The following IL15 variants were observed in gnomAD, a reference collection of about 807,000 sequenced individuals.
The protein encoded by IL15 is interleukin-15.
Under a neutral mutation model 19.6 loss-of-function variants are expected in IL15, and 11 were observed. That is an observed-to-expected ratio of 0.56 (90% CI 0.35 to 0.93). IL15 has a LOEUF of 0.93. IL15 is among the 40% of genes least tolerant of loss of function. The pLI is 0.01. For missense variants in IL15, 197 were observed against 186.5 expected (o/e 1.06, Z -0.33); for synonymous variants, 58 against 59.6 (o/e 0.97, Z 0.12).
At chr4:141,651,122 A>G (rs1377120324) in intron 1 of IL15, among the ~76,000 whole-genome samples, 1 of 152,012 alleles carries the variant, frequency 6.6e-6, no homozygotes, top group African/African-American at 2.4e-5. Flanking sequence ...CAACACATCC[A>G]AAGAGATTCC....
At chr4:141,643,321 C>G (rs1200695049) in intron 1 of IL15, among the ~76,000 whole-genome samples, 9 of 152,136 alleles carry the variant, frequency 5.9e-5, no homozygotes, top group Admixed American at 5.9e-4. Context: ...CTGCTCACTT[C>G]TATATCTGCT....
intron 1 of IL15, among the ~76,000 whole-genome samples, chr4:141,645,058 G>T (rs1003455016): frequency 1.3e-5 from 2 of 152,074 alleles, no homozygotes; most frequent in Non-Finnish European, 2.9e-5. Flanking sequence ...ATGTTAGAGG[G>T]TTAATAATTT....
At chr4:141,687,689 T>C (rs1030292588) in intron 2 of IL15, among the ~76,000 whole-genome samples, 2 of 152,226 alleles carry the variant, frequency 1.3e-5, no homozygotes, top group African/African-American at 4.8e-5. Flanking sequence ...AATTTTGCAG[T>C]GAATGCCTTT....
At position 141,669,882 on chromosome 4, in the gene IL15, G is replaced by C. The variant is rs188144213; in HGVS notation, c.-100+13575G>C. On this transcript the variant is annotated intron_variant, in intron 2 of 7. Transcript: ENST00000320650. ...TGGCTCATGACAGAGCCTTGACTGA[G>C]ATATTGGGTCTAGAAATCTAGATTA... Among the ~76,000 whole-genome samples, 352 of 151,612 alleles carry C rather than the reference G, an allele frequency of 2.3e-3. 1 individual carries two copies. The highest frequency in any genetic ancestry group is 3.9e-3 in the Non-Finnish European group (262 of 67,924).
chr4:141,731,247 G>C (rs1730441787), intron 7 of IL15, among the ~76,000 whole-genome samples: 1 of 152,034 alleles, frequency 6.6e-6, no homozygotes, highest in Admixed American at 6.6e-5. Flanking sequence ...AGCACTCCCT[G>C]TCCCCTTCTC....
chr4:141,695,315 G>C (rs1729057485), intron 2 of IL15, among the ~76,000 whole-genome samples: 1 of 113,950 alleles, frequency 8.8e-6, no homozygotes, highest in African/African-American at 3.4e-5. Flanking sequence ...TTCCACATAT[G>C]AGTGAGATTA....
intron 2 of IL15, among the ~76,000 whole-genome samples, chr4:141,682,103 T>A (rs1049942268): frequency 6.6e-6 from 1 of 152,204 alleles, no homozygotes; most frequent in Non-Finnish European, 1.5e-5. Flanking sequence ...AATGTAACCT[T>A]TTGTTTTTGT....
chr4:141,721,117 T>C (rs751116612), intron 4 of IL15: 202 of 1,527,694 alleles, frequency 1.3e-4, no homozygotes, highest in Non-Finnish European at 1.7e-4. Context: ...ATAATCTGAC[T>C]CTCAGTTCAG....
chr4:141,713,075 A>T (rs1369875085), intron 2 of IL15, among the ~76,000 whole-genome samples: 1 of 152,194 alleles, frequency 6.6e-6, no homozygotes, highest in African/African-American at 2.4e-5. Flanking sequence ...AAGTTATTAT[A>T]GTTTGTATTG....
chr4:141,645,347 A>G (rs1278164226), intron 1 of IL15, among the ~76,000 whole-genome samples: 1 of 152,172 alleles, frequency 6.6e-6, no homozygotes, highest in Non-Finnish European at 1.5e-5. Context: ...AAGGGCCTCC[A>G]TGCCACACAC....
intron 1 of IL15, among the ~76,000 whole-genome samples, chr4:141,644,095 A>G (rs1578983749): frequency 6.6e-6 from 1 of 151,780 alleles, no homozygotes; most frequent in Admixed American, 6.6e-5. Flanking sequence ...AATATACCCT[A>G]CATCCTATCT....
At chr4:141,682,562 C>G (rs1560916444) in intron 2 of IL15, among the ~76,000 whole-genome samples, 1 of 152,006 alleles carries the variant, frequency 6.6e-6, no homozygotes, top group African/African-American at 2.4e-5. Flanking sequence ...TCTATAAGAA[C>G]GGAGACTTTT....
chr4:141,703,868 C>T (rs557515849), intron 2 of IL15, among the ~76,000 whole-genome samples: 3 of 151,508 alleles, frequency 2.0e-5, no homozygotes, highest in African/African-American at 7.3e-5. Flanking sequence ...TTAGCTAATT[C>T]ATTATTGGTG....
intron 1 of IL15, among the ~76,000 whole-genome samples, chr4:141,654,921 T>C (rs1041230617): frequency 6.6e-6 from 1 of 152,142 alleles, no homozygotes; most frequent in Non-Finnish European, 1.5e-5. Flanking sequence ...ATTGAAGAAA[T>C]ATACTGGCAT....
intron 2 of IL15, among the ~76,000 whole-genome samples, chr4:141,670,364 G>A (rs1728131279): frequency 6.6e-6 from 1 of 152,102 alleles, no homozygotes; most frequent in Non-Finnish European, 1.5e-5. Context: ...ATTAAAGGGG[G>A]TTATAGCCTT....
At chr4:141,720,671 C>G in intron 4 of IL15, 105 bp downstream of exon 4, 1 of 744,480 alleles carries the variant, frequency 1.3e-6, no homozygotes, top group Non-Finnish European at 2.4e-6. Flanking sequence ...GCTTATATCT[C>G]TAGGTACTCA....
chr4:141,694,760 G>C (rs914894029), intron 2 of IL15, among the ~76,000 whole-genome samples: 2 of 152,078 alleles, frequency 1.3e-5, no homozygotes, highest in African/African-American at 4.8e-5. Context: ...TGATAAAATT[G>C]GATATCTAAG....
intron 1 of IL15, among the ~76,000 whole-genome samples, chr4:141,650,305 C>T (rs140046873): frequency 1.1e-4 from 16 of 152,024 alleles, no homozygotes; most frequent in African/African-American, 3.9e-4. Flanking sequence ...TTGGGTGGTA[C>T]CAATGATGGT....
rs1730521845 is a variant in IL15 at position 141,733,461 on chromosome 4, A to G, written c.*613A>G. On this transcript the variant is annotated 3_prime_UTR_variant, in exon 8 of 8. Transcript: ENST00000320650. ...ATAAAGAAATTGCAATAACTGGCAT[A>G]TAATGTCCATCAGTAAATCTTGGTG... 6.6e-6 allele frequency: 1 copy of G among 152,408 alleles called. No individual in the cohort carries two copies. Among genetic ancestry groups the G allele is most frequent in the Admixed American group, 6.5e-5 (1 of 15,306 alleles). The allele number at this position is 152,408 out of a possible 1,614,324, so 9.4% of individuals were successfully genotyped here.
Sources: allele counts gnomAD v4.1 joint callset (sites outside exome capture counted in the v4.1 genomes callset), GRCh38; gene constraint gnomAD v4.1.1; transcripts MANE v1.5; gene names NCBI Gene and HGNC (gene_info 2026-07-23, HGNC 2026-07-21).